The following PIK3CB variants were observed in gnomAD, a reference collection of about 807,000 sequenced individuals.
PIK3CB encodes the protein phosphatidylinositol 4,5-bisphosphate 3-kinase catalytic subunit beta isoform.
A neutral mutation model predicts 136.8 loss-of-function variants in PIK3CB; 39 were observed. The ratio of observed to expected loss-of-function variants is 0.29; its 90% CI spans 0.22 to 0.37. The LOEUF is 0.37. PIK3CB is among the 10% of genes least tolerant of loss of function. The pLI is 1.00. For missense variants in PIK3CB, 868 were observed against 1,275.4 expected (o/e 0.68, Z 4.87); for synonymous variants, 428 against 436.6 (o/e 0.98, Z 0.25).
intron 8 of PIK3CB, among the ~76,000 whole-genome samples, chr3:138,731,781 G>A (rs938328157): frequency 6.6e-6 from 1 of 151,544 alleles, no homozygotes; most frequent in African/African-American, 2.4e-5. Context: ...TCAGGAGTTC[G>A]AGACCAGCCT....
At chr3:138,716,729 C>T in intron 8 of PIK3CB, among the ~76,000 whole-genome samples, 1 of 151,272 alleles carries the variant, frequency 6.6e-6, no homozygotes, top group African/African-American at 2.4e-5. Flanking sequence ...AACACCATCT[C>T]TACTAAAAAT....
chr3:138,746,495 C>A (rs1189292366), intron 4 of PIK3CB, among the ~76,000 whole-genome samples: 1 of 151,858 alleles, frequency 6.6e-6, no homozygotes, highest in Non-Finnish European at 1.5e-5. Flanking sequence ...CCCATCTCTA[C>A]TAAAAATACA....
intron 2 of PIK3CB, among the ~76,000 whole-genome samples, chr3:138,765,317 C>CA (rs1043525681): frequency 4.4e-4 from 66 of 148,864 alleles, no homozygotes; most frequent in Admixed American, 9.4e-4. Context: ...ACTCCATTTC[C>CA]AAAAAAAAAG....
At chr3:138,825,107 C>A in intron 1 of PIK3CB, 1 of 278,068 alleles carries the variant, frequency 3.6e-6, no homozygotes, top group Admixed American at 3.9e-5. Context: ...AGGACTCCTT[C>A]AAGTATGCCT....
chr3:138,718,079 G>A (rs2044649222), intron 8 of PIK3CB, among the ~76,000 whole-genome samples: 1 of 152,178 alleles, frequency 6.6e-6, no homozygotes, highest in Non-Finnish European at 1.5e-5. Context: ...TCAAATGGTA[G>A]TTCTGCTTTT....
At chr3:138,656,077 A>C (rs1261084316) in intron 23 of PIK3CB, 65 bp downstream of exon 23, 81 of 1,532,732 alleles carry the variant, frequency 5.3e-5, no homozygotes, top group Non-Finnish European at 6.8e-5. Context: ...CTTGAATAAA[A>C]CAGGCAGCTA....
At chr3:138,671,556 T>C (rs2043533176) in intron 19 of PIK3CB, among the ~76,000 whole-genome samples, 1 of 152,206 alleles carries the variant, frequency 6.6e-6, no homozygotes. Flanking sequence ...CTCACAGCAG[T>C]GGCTCAGGAA....
chr3:138,711,215 A>G (rs1201254806), intron 10 of PIK3CB, among the ~76,000 whole-genome samples: 3 of 108,110 alleles, frequency 2.8e-5, no homozygotes, highest in Admixed American at 1.1e-4. Context: ...GAATTTCTCA[A>G]AAAAAAAAAG....
chr3:138,704,361 G>A (rs1292665698), intron 12 of PIK3CB, 82 bp downstream of exon 12: 11 of 926,686 alleles, frequency 1.2e-5, no homozygotes, highest in Non-Finnish European at 2.0e-5. Context: ...GGTCTTCTGT[G>A]AGTTCATTAC....
intron 21 of PIK3CB, among the ~76,000 whole-genome samples, chr3:138,659,285 C>T (rs1424466085): frequency 6.6e-6 from 1 of 152,174 alleles, no homozygotes; most frequent in Non-Finnish European, 1.5e-5. Flanking sequence ...ATTCTGGCAG[C>T]CTCTGAGAAA....
intron 12 of PIK3CB, among the ~76,000 whole-genome samples, chr3:138,702,308 C>T (rs928994385): frequency 2.0e-5 from 3 of 149,778 alleles, no homozygotes; most frequent in Non-Finnish European, 3.0e-5. Flanking sequence ...TTCCTGGGTT[C>T]AAGCAATCCT....
chr3:138,768,663 G>A (rs1266847341), intron 2 of PIK3CB, among the ~76,000 whole-genome samples: 1 of 152,174 alleles, frequency 6.6e-6, no homozygotes, highest in South Asian at 2.1e-4. Context: ...ACCGCCTACA[G>A]GTCAGCGCCA....
intron 1 of PIK3CB, among the ~76,000 whole-genome samples, chr3:138,809,871 T>A (rs1414757397): frequency 6.6e-6 from 1 of 152,188 alleles, no homozygotes; most frequent in Non-Finnish European, 1.5e-5. Context: ...CACATTATGT[T>A]CAGCTCTTAG....
At chr3:138,818,365 G>C (rs1933421777) in intron 1 of PIK3CB, among the ~76,000 whole-genome samples, 1 of 152,172 alleles carries the variant, frequency 6.6e-6, no homozygotes, top group African/African-American at 2.4e-5. Context: ...GTGTCATCAA[G>C]TTCTGGCTCT....
At chr3:138,744,116 G>A (rs1241637105) in intron 4 of PIK3CB, among the ~76,000 whole-genome samples, 1 of 152,058 alleles carries the variant, frequency 6.6e-6, no homozygotes, top group African/African-American at 2.4e-5. Flanking sequence ...GATTGGTCGG[G>A]CGCAGTGGCT....
intron 13 of PIK3CB, among the ~76,000 whole-genome samples, chr3:138,696,209 G>A (rs2044135008): frequency 1.3e-5 from 2 of 149,622 alleles, no homozygotes; most frequent in South Asian, 4.2e-4. Context: ...AAGAGATAGG[G>A]TCTCATTCTG....
intron 2 of PIK3CB, among the ~76,000 whole-genome samples, chr3:138,764,964 A>G (rs1392160020): frequency 6.6e-6 from 1 of 152,194 alleles, no homozygotes; most frequent in African/African-American, 2.4e-5. Context: ...AGCTCCTGGC[A>G]CATATTAGCC....
rs182222047 is a variant in PIK3CB, at chr3:138,712,461, C to T, written c.1303-157G>A. Among the ~76,000 whole-genome samples, 39 of 152,168 alleles carry T rather than the reference C, an allele frequency of 2.6e-4. No homozygotes were observed. In the East Asian group the frequency reaches 4.6e-3, roughly 18 times the overall value. On this transcript the variant is annotated intron_variant, in intron 9 of 23. Transcript: ENST00000674063. Reference sequence around the variant, plus strand: ...AGAACAAGATATACATAGAAAAATGCTCACTATCTTTATTACGTTTAAGAA... The same window carrying T: ...AGAACAAGATATACATAGAAAAATGTTCACTATCTTTATTACGTTTAAGAA...
chr3:138,699,203 G>T, intron 12 of PIK3CB, 108 bp from the exon 13 acceptor site: 18 of 314,834 alleles, frequency 5.7e-5, no homozygotes, highest in Non-Finnish European at 7.6e-5. Context: ...AAGTATGTGA[G>T]ATACAAAAAT....
Sources: allele counts gnomAD v4.1 joint callset (sites outside exome capture counted in the v4.1 genomes callset), GRCh38; gene constraint gnomAD v4.1.1; transcripts MANE v1.5; gene names NCBI Gene and HGNC (gene_info 2026-07-23, HGNC 2026-07-21).